The following MORC1 variants were observed in gnomAD, a reference collection of about 807,000 sequenced individuals.
MORC1 encodes MORC family CW-type zinc finger 1.
A neutral mutation model predicts 134.9 loss-of-function variants in MORC1; 59 were observed. That is an observed-to-expected ratio of 0.44 (90% CI 0.35 to 0.54). MORC1 has a LOEUF of 0.54. Among genes scored for constraint, MORC1 ranks in the 20% least tolerant of loss-of-function variants. The probability of loss-of-function intolerance (pLI) is 0.00; values close to 1 mark genes in which losing one functional copy is unlikely to be tolerated. For synonymous variants in MORC1, 395 were observed against 391.7 expected (o/e 1.01, Z -0.10); for missense variants, 947 against 1,134.5 (o/e 0.83, Z 2.37).
At chr3:108,979,442 G>T in intron 24 of MORC1, 73 bp downstream of exon 24, 2 of 1,507,076 alleles carry the variant, frequency 1.3e-6, no homozygotes. Context: ...ACTCAGTAGG[G>T]AAAACAACAG....
At position 108,971,462 on chromosome 3, in the gene MORC1, C is replaced by T. The variant is rs893612303; in HGVS notation, c.2478-60G>A. 67 of 1,423,442 alleles carry T rather than the reference C, an allele frequency of 4.7e-5. No homozygotes were observed. The African/African-American group carries it at 9.0e-4, about 19-fold the overall frequency. The allele number at this position is 1,423,442 out of a possible 1,614,324, so 88.2% of individuals were successfully genotyped here. A position where few individuals can be genotyped will look rare whatever the true frequency, so the allele number is the denominator to read the frequency against. ...CTAGGATAACAGAGGTAGCACTCAA[C>T]TGTCAGAACTGGGTTTGTCTCCTGG... On this transcript the variant is annotated intron_variant, in intron 24 of 27. Transcript: ENST00000232603.
intron 14 of MORC1, among the ~76,000 whole-genome samples, chr3:109,048,598 A>G (rs1388049010): frequency 6.6e-6 from 1 of 152,212 alleles, no homozygotes; most frequent in Non-Finnish European, 1.5e-5. Flanking sequence ...CGGCCTAAAC[A>G]ACAGAAGTTT....
intron 14 of MORC1, among the ~76,000 whole-genome samples, chr3:109,053,965 G>T (rs1576684192): frequency 6.6e-6 from 1 of 152,160 alleles, no homozygotes; most frequent in Admixed American, 6.5e-5. Flanking sequence ...ACATACTCAA[G>T]AATTTTTAAC....
At chr3:108,969,577 T>A (rs1166357379) in intron 26 of MORC1, 92 bp downstream of exon 26, 2 of 1,317,746 alleles carry the variant, frequency 1.5e-6, no homozygotes, top group East Asian at 4.6e-5. Flanking sequence ...TTTGATTTCC[T>A]TTCAAACCTA....
intron 8 of MORC1, among the ~76,000 whole-genome samples, chr3:109,089,526 T>C (rs564218417): frequency 6.6e-6 from 1 of 152,260 alleles, no homozygotes; most frequent in Admixed American, 6.5e-5. Context: ...TTTAATCATC[T>C]GTATGACTGT....
intron 3 of MORC1, chr3:109,109,728 G>C (rs546167426): frequency 2.0e-5 from 3 of 152,278 alleles, no homozygotes; most frequent in Non-Finnish European, 4.4e-5. Context: ...GAATAAACTG[G>C]GGAGGCTCAG....
intron 9 of MORC1, among the ~76,000 whole-genome samples, chr3:109,064,488 G>GA (rs544247662): frequency 9.3e-4 from 142 of 152,098 alleles, no homozygotes; most frequent in Middle Eastern, 3.4e-3. Context: ...ACAACTTGCA[G>GA]AAATTTAAAC....
rs142518379 is a variant in MORC1 at position 109,004,972 on chromosome 3, T to A, written c.2014-84A>T. On this transcript the variant is annotated intron_variant, in intron 19 of 27. Coordinates refer to ENST00000232603, the MANE Select transcript of MORC1 (RefSeq NM_014429.4). The stretch of plus-strand genomic sequence containing the variant: ...ACAGATTGCAATGTATATTTTATAA[T>A]TAAAGTGTCTTAAAATGTGAAAATG... The A allele has an allele frequency of 5.5e-4, 869 of 1,571,370 alleles. 2 individuals are homozygous for A. The African/African-American group carries it at 0.01, about 19-fold the overall frequency.
chr3:109,088,318 A>C (rs1279069537), intron 8 of MORC1, among the ~76,000 whole-genome samples: 1 of 152,136 alleles, frequency 6.6e-6, no homozygotes, highest in Non-Finnish European at 1.5e-5. Context: ...GTATTTGCAA[A>C]CTATGCATCT....
At chr3:109,040,307 C>T (rs1379975584) in intron 14 of MORC1, among the ~76,000 whole-genome samples, 1 of 141,704 alleles carries the variant, frequency 7.1e-6, no homozygotes, top group Non-Finnish European at 1.5e-5. Context: ...GGCAGATCTA[C>T]CAGACAAAGA....
intron 17 of MORC1, among the ~76,000 whole-genome samples, chr3:109,013,097 A>C (rs570952640): frequency 6.6e-6 from 1 of 152,190 alleles, no homozygotes; most frequent in Non-Finnish European, 1.5e-5. Context: ...TTTTCTGAAA[A>C]TTTTATCAGG....
At chr3:109,046,892 A>G (rs553865903) in intron 14 of MORC1, among the ~76,000 whole-genome samples, 1 of 152,148 alleles carries the variant, frequency 6.6e-6, no homozygotes, top group Non-Finnish European at 1.5e-5. Flanking sequence ...CATATACAGT[A>G]CTTTTTTTTC....
intron 20 of MORC1, among the ~76,000 whole-genome samples, chr3:109,002,139 T>A (rs990411045): frequency 6.6e-6 from 1 of 152,226 alleles, no homozygotes; most frequent in Admixed American, 6.5e-5. Context: ...TCTGCCCACA[T>A]TCACTTTTGT....
chr3:109,050,401 G>A (rs1949794801), intron 14 of MORC1, among the ~76,000 whole-genome samples: 2 of 152,174 alleles, frequency 1.3e-5, no homozygotes, highest in Non-Finnish European at 2.9e-5. Context: ...TTAGATGGCT[G>A]TCTCTCACTT....
intron 8 of MORC1, 40 bp downstream of exon 8, chr3:109,093,396 C>T: frequency 1.3e-6 from 2 of 1,506,946 alleles, no homozygotes; most frequent in Non-Finnish European, 1.8e-6. Context: ...CTCTAGCTCA[C>T]CACCATTGTT....
At chr3:109,014,498 A>G (rs1948770005) in intron 17 of MORC1, among the ~76,000 whole-genome samples, 1 of 152,222 alleles carries the variant, frequency 6.6e-6, no homozygotes, top group South Asian at 2.1e-4. Context: ...TTATTACACC[A>G]TTCAGATGCT....
rs574059451 is a variant in MORC1, at chr3:108,985,646, T to C, written c.2258-864A>G. Among the ~76,000 whole-genome samples the C allele has an allele frequency of 3.9e-5, 6 of 152,304 alleles. No homozygotes were observed. The East Asian group carries it at 1.2e-3, about 29-fold the overall frequency. Reference sequence around the variant, plus strand: ...CTGACTTGCAATGCAAAGTGAAAATTTTTAACCCAACAGCTAACTAATTCA... The same window carrying C: ...CTGACTTGCAATGCAAAGTGAAAATCTTTAACCCAACAGCTAACTAATTCA... On this transcript the variant is annotated intron_variant, in intron 22 of 27. Transcript: ENST00000232603.
intron 17 of MORC1, among the ~76,000 whole-genome samples, chr3:109,008,758 T>G (rs953414152): frequency 5.3e-5 from 8 of 152,170 alleles, no homozygotes; most frequent in African/African-American, 1.9e-4. Flanking sequence ...ACAGGATCTA[T>G]GTATTTCCTA....
chr3:108,998,998 C>T (rs1302803060), intron 21 of MORC1, among the ~76,000 whole-genome samples: 1 of 152,208 alleles, frequency 6.6e-6, no homozygotes, highest in Non-Finnish European at 1.5e-5. Flanking sequence ...ATGAAAAACT[C>T]ACACAGACTT....
Sources: allele counts gnomAD v4.1 joint callset (sites outside exome capture counted in the v4.1 genomes callset), GRCh38; gene constraint gnomAD v4.1.1; transcripts MANE v1.5; gene names NCBI Gene and HGNC (gene_info 2026-07-23, HGNC 2026-07-21).